The following KIF1A variants were observed in gnomAD, a reference collection of about 807,000 sequenced individuals.
KIF1A encodes kinesin family member 1A.
KIF1A carries 46 observed loss-of-function variants against 227.3 expected under a neutral mutation model. The observed-to-expected ratio is 0.20, with a 90% CI of 0.16 to 0.26. The LOEUF (loss-of-function observed/expected upper bound fraction) is 0.26, where lower values mean the gene tolerates loss of function less well. Ranked by LOEUF, KIF1A falls within the 10% of genes least tolerant of loss-of-function variation. The probability of loss-of-function intolerance (pLI) is 1.00; values close to 1 mark genes in which losing one functional copy is unlikely to be tolerated. For synonymous variants in KIF1A, 1,022 were observed against 1,012.8 expected, an observed-to-expected ratio of 1.01 and a Z score of -0.17; for missense variants, 1,683 against 2,485.9, an observed-to-expected ratio of 0.68 and a Z score of 6.87.
Position 240,716,214 on chromosome 2 carries a change from A to G in KIF1A, c.*1150T>C, listed in dbSNP as rs879214217. The G allele has an allele frequency of 6.6e-6, 1 of 152,208 alleles. No individual in the cohort carries two copies. Among genetic ancestry groups the G allele is most frequent in the South Asian group, 2.1e-4 (1 of 4,808 alleles). 9.4% of individuals were successfully genotyped at this position (152,208 alleles called of 1,614,324 possible). On this transcript the variant is annotated 3_prime_UTR_variant, in exon 49 of 49. Transcript: ENST00000498729. ...TACCCCCACCCCATGGGATTTTCTC[A>G]GTGGGACTCACAGAAACTCTCTGCC... is the stretch of plus-strand genomic sequence containing the variant.
chr2:240,750,376 A>G, intron 28 of KIF1A, 53 bp downstream of exon 28: 2 of 1,399,874 alleles, frequency 1.4e-6, no homozygotes, highest in South Asian at 2.4e-5. Flanking sequence ...TGCAAAGGTC[A>G]GAGCCAGCCC....
At chr2:240,805,167 AG>A (rs1440067889) in intron 1 of KIF1A, among the ~76,000 whole-genome samples, 2 of 73,212 alleles carry the variant, frequency 2.7e-5, no homozygotes, top group Admixed American at 1.7e-4. Flanking sequence ...CGGGAGGGAG[AG>A]GGGAGGGAAG....
At chr2:240,763,135 A>G (rs2050738151) in intron 21 of KIF1A, 31 bp downstream of exon 21, 3 of 1,603,668 alleles carry the variant, frequency 1.9e-6, no homozygotes, top group African/African-American at 1.3e-5. Context: ...CAGGAGGGGC[A>G]GCAGGCAGTT....
rs767196477 is a variant in KIF1A, at chr2:240,720,981, C to G, written c.4801G>C (p.Ala1601Pro). ...RDPSMSPLGV[A>P]TLTPSSTCPS... ...CAAGTGGAGGAGGGGGTGAGAGTGG[C>G]CACCCCTAGAGGGGACATCGACGGG... The change falls in exon 45 of 49, where the codon GCC becomes CCC. Residue 1601 changes from alanine to proline, a missense_variant. Transcript: ENST00000498729. The G allele has an allele frequency of 1.9e-6, 3 of 1,608,084 alleles. No homozygotes were observed. Among genetic ancestry groups the G allele is most frequent in the Admixed American group, 1.7e-5 (1 of 59,436 alleles).
At position 240,778,765 on chromosome 2, in the gene KIF1A, C is replaced by T. The variant is rs1055921722; in HGVS notation, c.883-2839G>A. Among the ~76,000 whole-genome samples the T allele has an allele frequency of 1.3e-5, 2 of 151,952 alleles. No homozygotes were observed. Among genetic ancestry groups the T allele is most frequent in the East Asian group, 1.9e-4 (1 of 5,162 alleles). On this transcript the variant is annotated intron_variant, in intron 10 of 48. Transcript: ENST00000498729. This position sits in a 1 kb window ranked among gnomAD's most constrained non-coding sequence, Gnocchi z 7.2. ...CGTCTCTGCAGCTTTCCTCACGATT[C>T]TGCGCACCGTTCCACACACGGTTCC...
chr2:240,776,900 T>C (rs1258335458), intron 10 of KIF1A, among the ~76,000 whole-genome samples: 4 of 152,196 alleles, frequency 2.6e-5, no homozygotes, highest in Non-Finnish European at 5.9e-5. Flanking sequence ...TCAAAGGGGG[T>C]CCAGAATACT....
intron 37 of KIF1A, among the ~76,000 whole-genome samples, chr2:240,738,362 C>T (rs1319378940): frequency 2.0e-5 from 3 of 152,214 alleles, no homozygotes; most frequent in Non-Finnish European, 4.4e-5. Context: ...TGCTCATGGA[C>T]ACCCGGGGTC....
In KIF1A at chr2:240,766,749, T is replaced by TCA. The variant is rs55815321; in HGVS notation, c.1684+164_1684+165dup. Among the ~76,000 whole-genome samples the TCA allele has an allele frequency of 0.081, 8,841 of 108,806 alleles. 477 individuals carry two copies. The highest frequency in any genetic ancestry group is 0.11 in the South Asian group (346 of 3,110). The allele number at this position is 108,806 out of a possible 152,430, so 71.4% of individuals were successfully genotyped here. ...CTCTCTCTCTCTCTCTCTCTCTCTC[T>TCA]CACACACACACACACACACACACAC... On this transcript the variant is annotated intron_variant, in intron 19 of 48. Transcript: ENST00000498729. This position sits in a 1 kb window ranked among gnomAD's most constrained non-coding sequence, Gnocchi z 5.0.
intron 27 of KIF1A, among the ~76,000 whole-genome samples, chr2:240,753,803 T>G (rs1047232014): frequency 6.6e-6 from 1 of 152,170 alleles, no homozygotes; most frequent in African/African-American, 2.4e-5. Flanking sequence ...ATGGTACTTA[T>G]ACCTCATCGC....
chr2:240,737,019 G>A (rs948747816), intron 38 of KIF1A, 44 bp downstream of exon 38: 1 of 1,503,304 alleles, frequency 6.7e-7, no homozygotes, highest in South Asian at 1.1e-5. Context: ...CTGGCAGGCT[G>A]GGAACATGCC....
Position 240,758,219 on chromosome 2 carries a change from G to A in KIF1A, c.2582+141C>T. On this transcript the variant is annotated intron_variant, in intron 26 of 48. Transcript: ENST00000498729. The surrounding 1 kb of genome is among the most constrained non-coding windows in gnomAD (Gnocchi z 5.2). ...ATGGCTGGGAGGAACCTCAGGCCAGGGAGGACAGGGCTGGGAATATGGGGC... is the reference window on the plus strand; with the variant it reads ...ATGGCTGGGAGGAACCTCAGGCCAGAGAGGACAGGGCTGGGAATATGGGGC... 1 of 922,804 alleles carries A rather than the reference G, an allele frequency of 1.1e-6. No homozygotes were observed. 57.2% of individuals were successfully genotyped at this position (922,804 alleles called of 1,614,324 possible).
chr2:240,753,599 G>A, intron 27 of KIF1A, among the ~76,000 whole-genome samples: 1 of 152,274 alleles, frequency 6.6e-6, no homozygotes, highest in Middle Eastern at 3.4e-3. Flanking sequence ...ATCTGTGGAG[G>A]CTCCCTAGGG....
chr2:240,762,701 G>T lies in KIF1A; in HGVS notation c.2116+18C>A, dbSNP rs2050677562. The stretch of plus-strand genomic sequence containing the variant: ...AGACCCTCCTGACGCAGCAGGTGCT[G>T]GCCCAGTGACCCCTCACCTTCATCC... On this transcript the variant is annotated intron_variant, in intron 23 of 48. Coordinates refer to ENST00000498729, the MANE Select transcript of KIF1A (RefSeq NM_001244008.2). 1 of 1,569,228 alleles carries T rather than the reference G, an allele frequency of 6.4e-7. No homozygotes were observed. Among genetic ancestry groups the T allele is most frequent in the Non-Finnish European group, 8.7e-7 (1 of 1,150,130 alleles).
In KIF1A at chr2:240,786,346, C is replaced by T; in HGVS notation, c.597G>A (p.Gly199=). The part of the protein sequence containing the change: ...YNDIQDLMDS[G]NKARTVAATN... ...GTCCCTCCACCCACCTGGCCTTGTT[C>T]CCTGAGTCCATGAGGTCCTGGATGT... Residue 199 remains glycine (G), a synonymous_variant, in exon 6 of 49, where the codon GGG becomes GGA. Transcript: ENST00000498729. 6.2e-7 allele frequency: 1 copy of T among 1,613,506 alleles called. No individual in the cohort carries two copies. Among genetic ancestry groups the T allele is most frequent in the Non-Finnish European group, 8.5e-7 (1 of 1,179,782 alleles).
intron 24 of KIF1A, 128 bp downstream of exon 24, chr2:240,761,101 G>A (rs763640218): frequency 7.9e-5 from 93 of 1,175,934 alleles, no homozygotes; most frequent in Non-Finnish European, 1.1e-4. Context: ...GCCAGGTCAG[G>A]CAGGGCTGCT....
chr2:240,811,176 GTAACATGT>G (rs2057833234), intron 1 of KIF1A, among the ~76,000 whole-genome samples: 1 of 152,100 alleles, frequency 6.6e-6, no homozygotes, highest in Non-Finnish European at 1.5e-5. Flanking sequence ...ACCCTGGCTT[GTAACATGT>G]TGAAACCCTG....
rs1575612289 is a variant in KIF1A at position 240,778,939 on chromosome 2, C to G, written c.883-3013G>C. Among the ~76,000 whole-genome samples the G allele has an allele frequency of 6.6e-6, 1 of 152,090 alleles. No homozygotes were observed. Among genetic ancestry groups the G allele is most frequent in the African/African-American group, 2.4e-5 (1 of 41,370 alleles). ...CCTCAGGCCATTCGCCCGTGTGCAC[C>G]CCGTTCCTACACACAGCGCTCCACA... On this transcript the variant is annotated intron_variant, in intron 10 of 48. Coordinates refer to ENST00000498729, the MANE Select transcript of KIF1A (RefSeq NM_001244008.2). The surrounding 1 kb of genome is among the most constrained non-coding windows in gnomAD (Gnocchi z 7.2).
At chr2:240,812,472 G>GGCCC (rs1266420566) in intron 1 of KIF1A, among the ~76,000 whole-genome samples, 1 of 151,818 alleles carries the variant, frequency 6.6e-6, no homozygotes, top group Non-Finnish European at 1.5e-5. Flanking sequence ...TCACCTCAGG[G>GGCCC]GCCCGCCTTT....
At chr2:240,811,617 G>C (rs576928281) in intron 1 of KIF1A, among the ~76,000 whole-genome samples, 19 of 152,286 alleles carry the variant, frequency 1.2e-4, no homozygotes, top group Non-Finnish European at 7.4e-5. Flanking sequence ...CTCAAAGACA[G>C]AGAGGGGCAC....
Sources: allele counts gnomAD v4.1 joint callset (sites outside exome capture counted in the v4.1 genomes callset), GRCh38; gene constraint gnomAD v4.1.1; non-coding constraint Gnocchi (gnomAD v3.1); transcripts MANE v1.5; gene names NCBI Gene and HGNC (gene_info 2026-07-23, HGNC 2026-07-21).